Variants in GALNT2 observed in about 807,000 individuals in gnomAD.
The protein encoded by GALNT2 is polypeptide N-acetylgalactosaminyltransferase 2, also known as UDP-GalNAc:polypeptide N-acetylgalactosaminyltransferase 2.
GALNT2 carries 31 observed loss-of-function variants against 81.4 expected under a neutral mutation model. The ratio of observed to expected loss-of-function variants is 0.38; its 90% CI spans 0.29 to 0.51. The LOEUF (loss-of-function observed/expected upper bound fraction) is 0.51, where lower values mean the gene tolerates loss of function less well. GALNT2 is among the 20% of genes least tolerant of loss of function. The pLI is 0.87. For synonymous variants in GALNT2, 303 were observed against 287.4 expected, an observed-to-expected ratio of 1.05 and a Z score of -0.55; for missense variants, 629 against 765.7, an observed-to-expected ratio of 0.82 and a Z score of 2.11.
chr1:230,085,746 T>C (rs1233149128), intron 1 of GALNT2, among the ~76,000 whole-genome samples: 3 of 152,256 alleles, frequency 2.0e-5, no homozygotes, highest in Admixed American at 2.0e-4. Flanking sequence ...GGTTCTCTTA[T>C]TCATTGCATT....
intron 3 of GALNT2, among the ~76,000 whole-genome samples, chr1:230,219,629 A>G (rs1664488021): frequency 6.6e-6 from 1 of 152,030 alleles, no homozygotes; most frequent in Non-Finnish European, 1.5e-5. Flanking sequence ...TGGGCCCTGC[A>G]TAGATGGCCT....
At chr1:230,250,065 T>C (rs1255474207) in intron 9 of GALNT2, among the ~76,000 whole-genome samples, 1 of 152,188 alleles carries the variant, frequency 6.6e-6, no homozygotes, top group Non-Finnish European at 1.5e-5. Context: ...CTAAGCGTGC[T>C]CAGGGCTTTA....
chr1:230,160,596 C>T (rs1273931421), intron 1 of GALNT2, among the ~76,000 whole-genome samples: 4 of 152,052 alleles, frequency 2.6e-5, no homozygotes, highest in African/African-American at 9.7e-5. Flanking sequence ...CGCCTGTAAT[C>T]CCAGCTACTC....
At chr1:230,089,750 T>C (rs1660007439) in intron 1 of GALNT2, among the ~76,000 whole-genome samples, 1 of 152,216 alleles carries the variant, frequency 6.6e-6, no homozygotes, top group South Asian at 2.1e-4. Context: ...ATTTCCTTTC[T>C]TTTTAAAGCT....
At chr1:230,095,623 G>A (rs537665632) in intron 1 of GALNT2, among the ~76,000 whole-genome samples, 2 of 140,142 alleles carry the variant, frequency 1.4e-5, no homozygotes, top group South Asian at 2.4e-4. Flanking sequence ...TCCTGTGGTG[G>A]TAGACAGTCT....
At chr1:230,107,641 TG>T (rs1558086837) in intron 1 of GALNT2, among the ~76,000 whole-genome samples, 1 of 150,990 alleles carries the variant, frequency 6.6e-6, no homozygotes, top group South Asian at 2.1e-4. Context: ...TGTGTGTGTG[TG>T]TGGTTGGTTG....
rs941821554 is a variant in GALNT2 at position 230,243,550 on chromosome 1, G to T, written c.729+123G>T. 8 of 1,244,624 alleles carry T rather than the reference G, an allele frequency of 6.4e-6. No individual in the cohort carries two copies. The highest frequency in any genetic ancestry group is 8.6e-6 in the Non-Finnish European group (8 of 930,894). 77.1% of individuals were successfully genotyped at this position (1,244,624 alleles called of 1,614,324 possible). A position where few individuals can be genotyped will look rare whatever the true frequency, so the allele number is the denominator to read the frequency against. On this transcript the variant is annotated intron_variant, in intron 7 of 15. Transcript: ENST00000366672. The surrounding 1 kb of genome is among the most constrained non-coding windows in gnomAD (Gnocchi z 4.2). ...GGGCGTCAGGGCTGGTAGGGGCTGA[G>T]CTCGCCGTCTGCAGTTTTCCTTGAT...
intron 1 of GALNT2, among the ~76,000 whole-genome samples, chr1:230,176,764 C>G (rs1334346763): frequency 6.6e-6 from 1 of 152,198 alleles, no homozygotes; most frequent in Admixed American, 6.5e-5. Context: ...TATATCTTTT[C>G]AAAACTTTTT....
chr1:230,166,441 C>T (rs1194930709), intron 1 of GALNT2, among the ~76,000 whole-genome samples: 1 of 152,186 alleles, frequency 6.6e-6, no homozygotes, highest in Non-Finnish European at 1.5e-5. Context: ...TCTAAATATC[C>T]CACGTGGGTC....
At chr1:230,194,057 A>T (rs1286511911) in intron 2 of GALNT2, among the ~76,000 whole-genome samples, 2 of 152,228 alleles carry the variant, frequency 1.3e-5, no homozygotes, top group African/African-American at 4.8e-5. Flanking sequence ...GAAAAAACAG[A>T]TTCTGAAAAG....
intron 1 of GALNT2, among the ~76,000 whole-genome samples, chr1:230,172,587 G>A (rs950516501): frequency 3.3e-5 from 5 of 152,186 alleles, no homozygotes; most frequent in East Asian, 1.9e-4. Flanking sequence ...TGCCCTGCAC[G>A]CATAGATTCG....
intron 3 of GALNT2, among the ~76,000 whole-genome samples, chr1:230,213,512 T>C (rs1007423072): frequency 2.0e-5 from 3 of 152,246 alleles, no homozygotes; most frequent in Non-Finnish European, 4.4e-5. Flanking sequence ...AAACTTTTTA[T>C]GTCCTTATAT....
intron 1 of GALNT2, among the ~76,000 whole-genome samples, chr1:230,127,132 G>T (rs919864552): frequency 5.3e-5 from 8 of 152,226 alleles, no homozygotes; most frequent in East Asian, 1.9e-4. Context: ...TGAGGCAGGG[G>T]CATGTGACCC....
At chr1:230,238,445 A>G (rs1665097014) in intron 6 of GALNT2, among the ~76,000 whole-genome samples, 1 of 152,180 alleles carries the variant, frequency 6.6e-6, no homozygotes, top group Admixed American at 6.5e-5. Flanking sequence ...AAGCTGCTAA[A>G]ATGATGCCGA....
intron 5 of GALNT2, 83 bp from the exon 6 acceptor site, chr1:230,236,577 A>T: frequency 6.9e-7 from 1 of 1,455,764 alleles, no homozygotes; most frequent in Non-Finnish European, 9.5e-7. Context: ...ATCGGCCCTT[A>T]GATGATTGAG....
intron 8 of GALNT2, among the ~76,000 whole-genome samples, chr1:230,248,211 C>T (rs1440929651): frequency 2.0e-5 from 3 of 152,216 alleles, no homozygotes; most frequent in Admixed American, 1.3e-4. Context: ...GCTGTCAGGG[C>T]GGACAGACTA....
intron 11 of GALNT2, chr1:230,258,555 A>G (rs1468788174): frequency 6.6e-6 from 1 of 152,194 alleles, no homozygotes; most frequent in Non-Finnish European, 1.5e-5. Context: ...TACAGATTAT[A>G]CAATACACCT....
intron 9 of GALNT2, among the ~76,000 whole-genome samples, chr1:230,250,138 G>A (rs1665498213): frequency 6.6e-6 from 1 of 152,224 alleles, no homozygotes; most frequent in African/African-American, 2.4e-5. Flanking sequence ...CAGAAAGGCC[G>A]AGTTCTTTGC....
At chr1:230,091,083 T>TTC (rs568882106) in intron 1 of GALNT2, among the ~76,000 whole-genome samples, 58 of 150,046 alleles carry the variant, frequency 3.9e-4, no homozygotes, top group East Asian at 3.5e-3. Flanking sequence ...TTCTTTCTTT[T>TTC]TTTTTTTGAG....
Sources: allele counts gnomAD v4.1 joint callset (sites outside exome capture counted in the v4.1 genomes callset), GRCh38; gene constraint gnomAD v4.1.1; non-coding constraint Gnocchi (gnomAD v3.1); transcripts MANE v1.5; gene names NCBI Gene and HGNC (gene_info 2026-07-23, HGNC 2026-07-21).